Variants in RABGAP1L observed in about 807,000 individuals in gnomAD.
RABGAP1L encodes RAB GTPase activating protein 1 like, also known as rab GTPase-activating protein 1-like.
A neutral mutation model predicts 137.7 loss-of-function variants in RABGAP1L; 63 were observed. The ratio of observed to expected loss-of-function variants is 0.46; its 90% CI spans 0.37 to 0.56. The LOEUF (loss-of-function observed/expected upper bound fraction) is 0.56. RABGAP1L is among the 20% of genes least tolerant of loss of function. RABGAP1L has a pLI of 0.00. For missense variants in RABGAP1L, 1,095 were observed against 1,244.0 expected, an observed-to-expected ratio of 0.88 and a Z score of 1.80; for synonymous variants, 431 against 433.7, an observed-to-expected ratio of 0.99 and a Z score of 0.08.
At chr1:174,956,762 C>G (rs1438087352) in intron 19 of RABGAP1L, among the ~76,000 whole-genome samples, 2 of 151,706 alleles carry the variant, frequency 1.3e-5, no homozygotes. Context: ...AGGCTCATGC[C>G]TCAGCCTCCA....
intron 13 of RABGAP1L, among the ~76,000 whole-genome samples, chr1:174,444,031 T>C (rs1349425513): frequency 1.3e-5 from 2 of 152,042 alleles, no homozygotes; most frequent in Non-Finnish European, 2.9e-5. Context: ...TCTATTCCAT[T>C]GGTCTATGTG....
chr1:174,448,135 A>G lies in RABGAP1L; in HGVS notation c.1710+53990A>G, dbSNP rs751535629. 6.2e-7 allele frequency: 1 copy of G among 1,612,908 alleles called. No individual in the cohort carries two copies. Among genetic ancestry groups the G allele is most frequent in the South Asian group, 1.1e-5 (1 of 90,930 alleles). On this transcript the variant is annotated intron_variant, in intron 13 of 25. Coordinates refer to ENST00000681986, the MANE Select transcript of RABGAP1L (RefSeq NM_001366446.1). This position sits in a 1 kb window ranked among gnomAD's most constrained non-coding sequence, Gnocchi z 4.2. Reference sequence around the variant, plus strand: ...CCATGAATGAATCCAGGTGGACTGAATGGAGGATCCTGAACATGAGCAGTG... The same window carrying G: ...CCATGAATGAATCCAGGTGGACTGAGTGGAGGATCCTGAACATGAGCAGTG...
intron 17 of RABGAP1L, among the ~76,000 whole-genome samples, chr1:174,720,652 C>T (rs1207294158): frequency 6.6e-6 from 1 of 152,114 alleles, no homozygotes; most frequent in African/African-American, 2.4e-5. Flanking sequence ...AATGAAGTTG[C>T]ACCCCTACTT....
At chr1:174,892,537 T>C (rs1656360519) in intron 19 of RABGAP1L, 4 of 519,922 alleles carry the variant, frequency 7.7e-6, no homozygotes, top group Non-Finnish European at 1.5e-5. Flanking sequence ...GTTTCAATAG[T>C]CTTAGCTTTG....
intron 13 of RABGAP1L, among the ~76,000 whole-genome samples, chr1:174,598,584 T>C (rs760432698): frequency 6.6e-5 from 10 of 152,176 alleles, no homozygotes; most frequent in Non-Finnish European, 1.5e-4. Flanking sequence ...ATCTGGGTGC[T>C]TCAGTGTTGA....
chr1:174,465,314 C>T (rs1007169974), intron 13 of RABGAP1L, among the ~76,000 whole-genome samples: 1 of 152,208 alleles, frequency 6.6e-6, no homozygotes. Flanking sequence ...ATTCTCCTGC[C>T]TCAGCCTCCA....
At chr1:174,367,850 AT>A (rs1278134567) in intron 11 of RABGAP1L, 1 of 161,442 alleles carries the variant, frequency 6.2e-6, no homozygotes, top group Non-Finnish European at 1.4e-5. Flanking sequence ...TACCCATTGT[AT>A]TCTCATCCTA....
At chr1:174,429,470 G>A (rs1652339553) in intron 13 of RABGAP1L, among the ~76,000 whole-genome samples, 1 of 152,242 alleles carries the variant, frequency 6.6e-6, no homozygotes, top group Middle Eastern at 3.4e-3. Flanking sequence ...GGCCGGGCAC[G>A]GTGGCTGATG....
At chr1:174,589,675 A>G (rs769004688) in intron 13 of RABGAP1L, among the ~76,000 whole-genome samples, 6 of 152,168 alleles carry the variant, frequency 3.9e-5, no homozygotes, top group African/African-American at 1.4e-4. Context: ...TCTTCTGCAT[A>G]TGGATTATTC....
intron 13 of RABGAP1L, among the ~76,000 whole-genome samples, chr1:174,580,546 T>C (rs1008195509): frequency 2.0e-5 from 3 of 151,758 alleles, no homozygotes; most frequent in African/African-American, 7.3e-5. Flanking sequence ...ATCTAAACAC[T>C]GCATGTTCTC....
rs758248050 is a variant in RABGAP1L at position 174,298,403 on chromosome 1, A to G, written c.1324-6583A>G. 4.6e-5 allele frequency among the ~76,000 whole-genome samples: 7 copies of G among 152,170 alleles called. No individual in the cohort carries two copies. The South Asian group carries it at 6.2e-4, about 14-fold the overall frequency. On this transcript the variant is annotated intron_variant, in intron 10 of 25. Coordinates refer to ENST00000681986, the MANE Select transcript of RABGAP1L (RefSeq NM_001366446.1). ...CCTTGGAGTTCCCTAGACCTGATTT[A>G]TGCCATGGATACTGATGTGGCCTTT... is the stretch of plus-strand genomic sequence containing the variant.
At chr1:174,277,896 A>C (rs572137025) in intron 9 of RABGAP1L, among the ~76,000 whole-genome samples, 133 of 152,284 alleles carry the variant, frequency 8.7e-4, no homozygotes, top group African/African-American at 3.0e-3. Flanking sequence ...AATGTAATAA[A>C]ATTGTTATTG....
chr1:174,478,117 T>G (rs979503041), intron 13 of RABGAP1L, among the ~76,000 whole-genome samples: 1 of 152,144 alleles, frequency 6.6e-6, no homozygotes, highest in Non-Finnish European at 1.5e-5. Flanking sequence ...GCATATTACC[T>G]TCTATTTTCC....
At chr1:174,691,174 T>C (rs990020611) in intron 15 of RABGAP1L, among the ~76,000 whole-genome samples, 1 of 152,098 alleles carries the variant, frequency 6.6e-6, no homozygotes, top group Non-Finnish European at 1.5e-5. Context: ...AGAGTGTTCA[T>C]CTCCTTCATA....
chr1:174,195,616 T>TCTTTCTTTCTTTCTTTCTTCCTTC (rs1234228992), intron 1 of RABGAP1L, among the ~76,000 whole-genome samples: 7 of 57,678 alleles, frequency 1.2e-4, no homozygotes, highest in Admixed American at 2.3e-4. Flanking sequence ...TTTCTTTCTT[T>TCTTTCTTTCTTTCTTTCTTCCTTC]CTTCCTTCCT....
intron 20 of RABGAP1L, 90 bp downstream of exon 20, chr1:174,957,639 A>G: frequency 8.4e-7 from 1 of 1,186,550 alleles, no homozygotes; most frequent in Non-Finnish European, 1.2e-6. Flanking sequence ...CTGGTCTTGA[A>G]CACCTGGCCT....
intron 13 of RABGAP1L, among the ~76,000 whole-genome samples, chr1:174,497,289 C>T (rs1220871886): frequency 6.6e-6 from 1 of 152,096 alleles, no homozygotes; most frequent in Non-Finnish European, 1.5e-5. Flanking sequence ...TAATAGCTAA[C>T]ATTAGTGAGT....
intron 18 of RABGAP1L, among the ~76,000 whole-genome samples, chr1:174,773,477 C>T (rs1163633981): frequency 6.6e-6 from 1 of 152,090 alleles, no homozygotes; most frequent in Non-Finnish European, 1.5e-5. Flanking sequence ...GTCTCCATTC[C>T]ACAAATCTAT....
At position 174,876,253 on chromosome 1, in the gene RABGAP1L, T is replaced by C. The variant is rs144218155; in HGVS notation, c.2340+64293T>C. Among the ~76,000 whole-genome samples the C allele has an allele frequency of 1.1e-4, 17 of 152,210 alleles. 1 individual carries two copies. In the East Asian group the frequency reaches 3.1e-3, roughly 28 times the overall value. The stretch of plus-strand genomic sequence containing the variant: ...AATGAAGACTAAACATTTCAACTGG[T>C]TGAAATGTTTTATTTCAACTTATTT... On this transcript the variant is annotated intron_variant, in intron 19 of 25. Transcript: ENST00000681986.
Sources: gnomAD v4.1 joint callset for allele counts (sites outside exome capture counted in the v4.1 genomes callset) on GRCh38, gnomAD v4.1.1 for gene constraint, Gnocchi (gnomAD v3.1) non-coding constraint, MANE v1.5 for transcripts, NCBI Gene and HGNC (gene_info 2026-07-23, HGNC 2026-07-21) for gene names.